Variants in PCDHAC2 observed in about 807,000 individuals in gnomAD.
PCDHAC2 encodes the protein protocadherin alpha subfamily C, 2, also known as protocadherin alpha-C2.
Under a neutral mutation model 63.3 loss-of-function variants are expected in PCDHAC2, and 24 were observed. That is an observed-to-expected ratio of 0.38 (90% CI 0.27 to 0.53). The LOEUF (loss-of-function observed/expected upper bound fraction) is 0.53. Ranked by LOEUF, PCDHAC2 falls within the 20% of genes least tolerant of loss-of-function variation. The probability of loss-of-function intolerance (pLI) is 0.81; values close to 1 mark genes in which losing one functional copy is unlikely to be tolerated. For synonymous variants in PCDHAC2, 569 were observed against 529.4 expected (o/e 1.07, Z -1.03); for missense variants, 1,181 against 1,275.2 (o/e 0.93, Z 1.12).
intron 3 of PCDHAC2, among the ~76,000 whole-genome samples, chr5:140,987,213 C>CAA (rs58319157): frequency 8.4e-5 from 10 of 118,874 alleles, no homozygotes; most frequent in Non-Finnish European, 1.2e-4. Flanking sequence ...GACTCCATCT[C>CAA]AAAAAAAAAA....
rs782541612 is a variant in PCDHAC2 at position 140,966,954 on chromosome 5, G to T, written c.188G>T (p.Arg63Leu). ...GGCGCGCTCGTGGGCAACGTGGCTC[G>T]CGCGCTGGGGCTTGAGCTGCGGCGC... ...APGALVGNVA[R>L]ALGLELRRLG... is the part of the protein sequence containing the mutation. Residue 63 changes from arginine to leucine, a missense_variant, in exon 1 of 4, where the codon CGC (arginine) becomes CTC (leucine). Physicochemically the swap from Arg to Leu is moderately radical, Grantham distance 102. Transcript: ENST00000289269. 6.2e-7 allele frequency: 1 copy of T among 1,601,606 alleles called. No homozygotes were observed. The highest frequency in any genetic ancestry group is 8.5e-7 in the Non-Finnish European group (1 of 1,177,990).
At position 140,967,336 on chromosome 5, in the gene PCDHAC2, C is replaced by T. The variant is rs782067589; in HGVS notation, c.570C>T (p.Ser190=). 8 of 1,607,396 alleles carry T rather than the reference C, an allele frequency of 5.0e-6. No homozygotes were observed. Among genetic ancestry groups the T allele is most frequent in the Admixed American group, 1.7e-5 (1 of 59,498 alleles). Residue 190 remains serine, a synonymous_variant, in exon 1 of 4, where the codon AGC becomes AGT. Coordinates refer to ENST00000289269, the MANE Select transcript of PCDHAC2 (RefSeq NM_018899.6). ...TACAGACCTACGAGCTCAGCCCCAGCGAGCACTTCGAGCTGGACCTTAAGC... is the reference window on the plus strand; with the variant it reads ...TACAGACCTACGAGCTCAGCCCCAGTGAGCACTTCGAGCTGGACCTTAAGC... ...NSVQTYELSP[S]EHFELDLKPL... is the part of the protein sequence containing the mutation.
At chr5:140,996,275 C>T (rs534624070) in intron 3 of PCDHAC2, among the ~76,000 whole-genome samples, 43 of 152,224 alleles carry the variant, frequency 2.8e-4, no homozygotes, top group African/African-American at 8.7e-4. Flanking sequence ...GGGATTGCTG[C>T]CAAATTTCAA....
At chr5:140,980,684 G>GA (rs782726576) in intron 2 of PCDHAC2, among the ~76,000 whole-genome samples, 3,276 of 145,132 alleles carry the variant, frequency 0.023, 40 homozygotes, top group Middle Eastern at 0.066. Flanking sequence ...TTTTCAAATT[G>GA]AAAAAAAAAA....
At chr5:140,976,929 A>G (rs1289479026) in intron 1 of PCDHAC2, among the ~76,000 whole-genome samples, 2 of 152,234 alleles carry the variant, frequency 1.3e-5, no homozygotes, top group South Asian at 2.1e-4. Flanking sequence ...AGTACTGTGT[A>G]GCTACTTAAA....
chr5:140,971,035 C>T (rs1251023371), intron 1 of PCDHAC2, among the ~76,000 whole-genome samples: 1 of 152,098 alleles, frequency 6.6e-6, no homozygotes, highest in African/African-American at 2.4e-5. Flanking sequence ...TTTGAAAGCA[C>T]GTAAAAGGGT....
intron 3 of PCDHAC2, among the ~76,000 whole-genome samples, chr5:140,985,279 A>G (rs1168353248): frequency 1.3e-5 from 2 of 152,150 alleles, no homozygotes; most frequent in Non-Finnish European, 2.9e-5. Context: ...CTTTTCTGCA[A>G]TCTATGATAT....
intron 3 of PCDHAC2, among the ~76,000 whole-genome samples, chr5:140,987,644 T>G (rs1461630900): frequency 6.6e-6 from 1 of 152,220 alleles, no homozygotes; most frequent in Non-Finnish European, 1.5e-5. Context: ...TGCACACATA[T>G]TGCAGAATCT....
intron 3 of PCDHAC2, among the ~76,000 whole-genome samples, chr5:141,008,045 CAG>C (rs1416741468): frequency 2.0e-5 from 3 of 151,924 alleles, no homozygotes; most frequent in South Asian, 2.1e-4. Context: ...CCTTTTGTAA[CAG>C]GGGTCCAGTC....
At position 141,010,147 on chromosome 5, in the gene PCDHAC2, C is replaced by A; in HGVS notation, c.*210C>A. ...AAGTCTGGTGTTAACTCTTTCTCTC[C>A]ACTCTGGCTTGTTTTCAGAACCTAA... On this transcript the variant is annotated 3_prime_UTR_variant, in exon 4 of 4. Coordinates refer to ENST00000289269, the MANE Select transcript of PCDHAC2 (RefSeq NM_018899.6). 1 of 1,583,190 alleles carries A rather than the reference C, an allele frequency of 6.3e-7. No individual in the cohort carries two copies. Among genetic ancestry groups the A allele is most frequent in the Non-Finnish European group, 8.6e-7 (1 of 1,163,606 alleles).
At position 140,968,190 on chromosome 5, in the gene PCDHAC2, C is replaced by A. The variant is rs782155295; in HGVS notation, c.1424C>A (p.Ser475Tyr). The change falls in exon 1 of 4, where the codon TCC (serine) becomes TAC (tyrosine). Residue 475 changes from serine (S) to tyrosine (Y), a missense_variant. Transcript: ENST00000289269. ...CCAAGCTTCCTGGAGGACTCCTATT[C>A]CATCTACATACAGGAGAACAATTTG... ...NPPSFLEDSYSIYIQENNLPG... is the reference protein window; with the variant it reads ...NPPSFLEDSYYIYIQENNLPG... The A allele has an allele frequency of 1.2e-6, 2 of 1,613,954 alleles. No homozygotes were observed. Among genetic ancestry groups the A allele is most frequent in the African/African-American group, 2.7e-5 (2 of 74,918 alleles).
rs2098421123 is a variant in PCDHAC2, at chr5:141,011,585, A to G, written c.*1648A>G. 6.5e-6 allele frequency: 1 copy of G among 153,746 alleles called. No individual in the cohort carries two copies. The highest frequency in any genetic ancestry group is 1.5e-5 in the Non-Finnish European group (1 of 68,036). 9.5% of individuals were successfully genotyped at this position (153,746 alleles called of 1,614,324 possible). ...TAAAATTTCTTTCTTAAATCAAGAT[A>G]CTGGTGATTCAAGGAATTTTATTTA... On this transcript the variant is annotated 3_prime_UTR_variant, in exon 4 of 4. Coordinates refer to ENST00000289269, the MANE Select transcript of PCDHAC2 (RefSeq NM_018899.6).
chr5:140,987,034 C>T (rs782321957), intron 3 of PCDHAC2, among the ~76,000 whole-genome samples: 12 of 151,770 alleles, frequency 7.9e-5, no homozygotes, highest in Non-Finnish European at 1.6e-4. Context: ...GTCAACATGG[C>T]GAAACCCCAT....
chr5:141,000,389 C>CTATATA (rs2097911342), intron 3 of PCDHAC2, among the ~76,000 whole-genome samples: 2 of 62,586 alleles, frequency 3.2e-5, no homozygotes, highest in African/African-American at 7.0e-5. Flanking sequence ...CTCTCTCTCT[C>CTATATA]TCTCTCTATA....
chr5:140,975,983 T>A (rs975014640), intron 1 of PCDHAC2, among the ~76,000 whole-genome samples: 31 of 152,290 alleles, frequency 2.0e-4, no homozygotes, highest in Admixed American at 2.0e-3. Flanking sequence ...AGCATAGTCC[T>A]GGGAGGTACC....
chr5:140,982,722 T>G, intron 3 of PCDHAC2, 159 bp downstream of exon 3: 1 of 913,304 alleles, frequency 1.1e-6, no homozygotes, highest in African/African-American at 1.8e-5. Flanking sequence ...TATGATTATT[T>G]TGATTTTATA....
intron 3 of PCDHAC2, among the ~76,000 whole-genome samples, chr5:140,995,652 C>T (rs1018975214): frequency 2.0e-5 from 3 of 151,828 alleles, no homozygotes; most frequent in East Asian, 1.9e-4. Context: ...AAAGGAGAAT[C>T]GAAAAGGGAA....
chr5:141,009,942 C>T lies in PCDHAC2; in HGVS notation c.*5C>T, dbSNP rs782819309. The T allele has an allele frequency of 6.3e-7, 1 of 1,597,438 alleles. No individual in the cohort carries two copies. The highest frequency in any genetic ancestry group is 1.1e-5 in the South Asian group (1 of 87,840). ...ACTGACAACAGTGACCAGTGAGGTCCTCAAATGGAAACAAGCCACTTAGCC... is the reference window on the plus strand; with the variant it reads ...ACTGACAACAGTGACCAGTGAGGTCTTCAAATGGAAACAAGCCACTTAGCC... On this transcript the variant is annotated 3_prime_UTR_variant, in exon 4 of 4. Coordinates refer to ENST00000289269, the MANE Select transcript of PCDHAC2 (RefSeq NM_018899.6).
At chr5:141,003,762 G>A (rs1295345972) in intron 3 of PCDHAC2, among the ~76,000 whole-genome samples, 1 of 152,146 alleles carries the variant, frequency 6.6e-6, no homozygotes, top group East Asian at 1.9e-4. Flanking sequence ...AATTATGGTC[G>A]TATTCTGTTA....
Sources: gnomAD v4.1 joint callset for allele counts (sites outside exome capture counted in the v4.1 genomes callset) on GRCh38, gnomAD v4.1.1 for gene constraint, MANE v1.5 for transcripts, NCBI Gene and HGNC (gene_info 2026-07-23, HGNC 2026-07-21) for gene names.